The following PACRG variants were observed in gnomAD, a reference collection of about 807,000 sequenced individuals.
PACRG encodes parkin coregulated.
Under a neutral mutation model 29.7 loss-of-function variants are expected in PACRG, and 29 were observed. The ratio of observed to expected loss-of-function variants is 0.98; its 90% confidence interval spans 0.73 to 1.33. The LOEUF is 1.33. Ranked by LOEUF, PACRG falls within the 40% of genes most tolerant of loss-of-function variation. PACRG has a pLI of 0.00. For missense variants in PACRG, 279 were observed against 316.2 expected (o/e 0.88, Z 0.89); for synonymous variants, 116 against 118.7 (o/e 0.98, Z 0.15).
chr6:162,978,517 A>G (rs1323542653), intron 2 of PACRG, among the ~76,000 whole-genome samples: 1 of 152,076 alleles, frequency 6.6e-6, no homozygotes, highest in Non-Finnish European at 1.5e-5. Flanking sequence ...ATAATTCTAT[A>G]TGGTGTGAGG....
At chr6:163,184,189 C>T (rs1230338070) in intron 4 of PACRG, among the ~76,000 whole-genome samples, 1 of 152,216 alleles carries the variant, frequency 6.6e-6, no homozygotes, top group Non-Finnish European at 1.5e-5. Context: ...GCTCCTTGTG[C>T]TCGGTTCCTT....
At chr6:163,082,950 G>A (rs1032430510) in intron 3 of PACRG, among the ~76,000 whole-genome samples, 2 of 152,128 alleles carry the variant, frequency 1.3e-5, no homozygotes, top group African/African-American at 4.8e-5. Context: ...AAACTGCTAG[G>A]TTAGCTGTTT....
chr6:163,145,858 C>T lies in PACRG; in HGVS notation c.613+56450C>T, dbSNP rs572996083. Among the ~76,000 whole-genome samples, 9 of 152,234 alleles carry T rather than the reference C, an allele frequency of 5.9e-5. No homozygotes were observed. The South Asian group carries it at 1.9e-3, about 32-fold the overall frequency. ...GTGTCTAGGGGGCACTGACGCCTAC[C>T]GGAGATGGGAGAGGAGAAGGAGACC... On this transcript the variant is annotated intron_variant, in intron 4 of 4. Transcript: ENST00000366888.
intron 2 of PACRG, among the ~76,000 whole-genome samples, chr6:162,953,327 A>C (rs1156693151): frequency 6.6e-6 from 1 of 152,226 alleles, no homozygotes; most frequent in African/African-American, 2.4e-5. Flanking sequence ...AACGACAGCT[A>C]CTTGCAATGT....
intron 2 of PACRG, among the ~76,000 whole-genome samples, chr6:162,826,742 C>T (rs1293979732): frequency 2.6e-5 from 4 of 152,104 alleles, no homozygotes; most frequent in Admixed American, 6.5e-5. Flanking sequence ...GGATTAGCGA[C>T]GTGAGCCACC....
At chr6:163,254,009 A>G (rs910690684) in intron 4 of PACRG, among the ~76,000 whole-genome samples, 1 of 152,154 alleles carries the variant, frequency 6.6e-6, no homozygotes, top group African/African-American at 2.4e-5. Flanking sequence ...GATCCAGGAG[A>G]AAGGGACGGG....
At chr6:163,175,301 G>A (rs1309836630) in intron 4 of PACRG, among the ~76,000 whole-genome samples, 1 of 152,166 alleles carries the variant, frequency 6.6e-6, no homozygotes, top group East Asian at 1.9e-4. Flanking sequence ...CTTAGGGGTG[G>A]AGCCATCTGT....
At position 162,773,740 on chromosome 6, in the gene PACRG, C is replaced by T. The variant is rs184078446; in HGVS notation, c.157-40407C>T. 2.7e-3 allele frequency among the ~76,000 whole-genome samples: 417 copies of T among 152,016 alleles called. 1 individual carries two copies. The highest frequency in any genetic ancestry group is 9.6e-3 in the African/African-American group (398 of 41,500). On this transcript the variant is annotated intron_variant, in intron 1 of 4. Coordinates refer to ENST00000366888, the MANE Select transcript of PACRG (RefSeq NM_001080379.2). Reference sequence around the variant, plus strand: ...CCTTGTTAGCCAGGATGGTCTCGATCTCCTGACCTCATGATCCACCCGCCT... The same window carrying T: ...CCTTGTTAGCCAGGATGGTCTCGATTTCCTGACCTCATGATCCACCCGCCT...
At chr6:162,805,847 C>G (rs567490830) in intron 1 of PACRG, among the ~76,000 whole-genome samples, 14 of 152,250 alleles carry the variant, frequency 9.2e-5, no homozygotes, top group African/African-American at 3.1e-4. Flanking sequence ...ACTTCTAATT[C>G]TAGACTTTTT....
chr6:163,023,117 G>A (rs1397137632), intron 2 of PACRG, among the ~76,000 whole-genome samples: 2 of 152,118 alleles, frequency 1.3e-5, no homozygotes, highest in South Asian at 2.1e-4. Flanking sequence ...TGGTACATAC[G>A]CAGATTTGGT....
intron 1 of PACRG, among the ~76,000 whole-genome samples, chr6:162,740,582 G>A (rs1253613117): frequency 1.4e-5 from 2 of 138,702 alleles, no homozygotes; most frequent in Non-Finnish European, 3.0e-5. Context: ...CTCCCAAAGT[G>A]CTGGGATTAC....
chr6:162,986,719 T>A (rs1045651109), intron 2 of PACRG, among the ~76,000 whole-genome samples: 4 of 152,134 alleles, frequency 2.6e-5, no homozygotes, highest in Non-Finnish European at 5.9e-5. Context: ...TAGGACTTTA[T>A]TTTTTGTCTT....
At chr6:163,314,226 C>G (rs139921241) in intron 4 of PACRG, among the ~76,000 whole-genome samples, 22 of 152,308 alleles carry the variant, frequency 1.4e-4, no homozygotes, top group African/African-American at 5.1e-4. Flanking sequence ...AAATAGCTGT[C>G]ATCCCAGCAT....
In PACRG at chr6:162,820,977, T is replaced by C. The variant is rs575177117; in HGVS notation, c.291+6696T>C. 2.7e-3 allele frequency among the ~76,000 whole-genome samples: 418 copies of C among 152,108 alleles called. 1 individual carries two copies. Among genetic ancestry groups the C allele is most frequent in the African/African-American group, 9.6e-3 (398 of 41,460 alleles). ...ATTCCAGAAGTTTTGAAAAAAAAAA[T>C]CCTCTGGCAATGAGTGTACTATTCT... On this transcript the variant is annotated intron_variant, in intron 2 of 4. Coordinates refer to ENST00000366888, the MANE Select transcript of PACRG (RefSeq NM_001080379.2).
chr6:162,872,879 C>T (rs183829678), intron 2 of PACRG, among the ~76,000 whole-genome samples: 1 of 152,120 alleles, frequency 6.6e-6, no homozygotes, highest in East Asian at 1.9e-4. Flanking sequence ...ATAGGTAGTG[C>T]AATACTTTAT....
intron 1 of PACRG, among the ~76,000 whole-genome samples, chr6:162,771,914 C>T (rs147282723): frequency 9.2e-5 from 14 of 152,182 alleles, no homozygotes; most frequent in East Asian, 1.9e-4. Context: ...GGAGATGTGA[C>T]GGCTGCACAA....
At chr6:163,285,819 A>G (rs781557256) in intron 4 of PACRG, among the ~76,000 whole-genome samples, 2 of 152,194 alleles carry the variant, frequency 1.3e-5, no homozygotes, top group Non-Finnish European at 2.9e-5. Flanking sequence ...CTAGCAAAGA[A>G]CATTGCCCAC....
chr6:163,237,110 T>C lies in PACRG; in HGVS notation c.614-77717T>C, dbSNP rs990292239. ...ACACAGAGCCAAACTATATCATTGA[T>C]GGTTTGATACAGGCTTTTGAGATAC... On this transcript the variant is annotated intron_variant, in intron 4 of 4. Transcript: ENST00000366888. Among the ~76,000 whole-genome samples the C allele has an allele frequency of 6.6e-5, 10 of 152,196 alleles. No individual in the cohort carries two copies. The South Asian group carries it at 8.3e-4, about 13-fold the overall frequency.
chr6:163,227,536 G>A (rs1781854637), intron 4 of PACRG, among the ~76,000 whole-genome samples: 1 of 152,196 alleles, frequency 6.6e-6, no homozygotes, highest in Non-Finnish European at 1.5e-5. Context: ...ATAACGAGAG[G>A]ACTGTAAGCC....
Sources: allele counts gnomAD v4.1 joint callset (sites outside exome capture counted in the v4.1 genomes callset), GRCh38; gene constraint gnomAD v4.1.1; transcripts MANE v1.5; gene names NCBI Gene and HGNC (gene_info 2026-07-23, HGNC 2026-07-21).